TULP4: variants seen among roughly 807,000 people sequenced by gnomAD.
TULP4 encodes the protein tubby-related protein 4.
TULP4 carries 16 observed loss-of-function variants against 129.0 expected under a neutral mutation model. The observed-to-expected ratio is 0.12, with a 90% CI of 0.08 to 0.19. The LOEUF (loss-of-function observed/expected upper bound fraction) is 0.19, where lower values mean the gene tolerates loss of function less well. TULP4 is among the 10% of genes least tolerant of loss of function. The pLI, the probability that TULP4 is intolerant of heterozygous loss-of-function variation, is 1.00. For synonymous variants in TULP4, 998 were observed against 854.0 expected, an observed-to-expected ratio of 1.17 and a Z score of -2.94; for missense variants, 1,842 against 2,059.1, an observed-to-expected ratio of 0.89 and a Z score of 2.04.
chr6:158,466,178 C>T (rs1338329920), intron 6 of TULP4, among the ~76,000 whole-genome samples: 3 of 152,156 alleles, frequency 2.0e-5, no homozygotes, highest in African/African-American at 4.8e-5. Flanking sequence ...GAGGTTGTGT[C>T]CAGCCTCCCT....
At chr6:158,470,920 C>T (rs1385587649) in intron 6 of TULP4, among the ~76,000 whole-genome samples, 2 of 152,038 alleles carry the variant, frequency 1.3e-5, no homozygotes, top group Non-Finnish European at 2.9e-5. Flanking sequence ...ACTGTTTTGA[C>T]TGGGTTTGAG....
At chr6:158,297,824 CAG>C (rs779715894) in intron 1 of TULP4, among the ~76,000 whole-genome samples, 2 of 152,100 alleles carry the variant, frequency 1.3e-5, no homozygotes, top group African/African-American at 4.8e-5. Flanking sequence ...CAACAGAAAA[CAG>C]GGTTTGAGAG....
intron 1 of TULP4, among the ~76,000 whole-genome samples, chr6:158,384,286 T>C (rs146687010): frequency 9.3e-6 from 1 of 107,162 alleles, no homozygotes; most frequent in Non-Finnish European, 2.0e-5. Flanking sequence ...CATGCCTGTT[T>C]AGCTTTTTTT....
intron 1 of TULP4, among the ~76,000 whole-genome samples, chr6:158,354,708 C>A (rs542489962): frequency 3.9e-5 from 6 of 151,954 alleles, no homozygotes; most frequent in Non-Finnish European, 8.8e-5. Context: ...GTCTGGGCAA[C>A]GTAGCAAGAC....
intron 1 of TULP4, among the ~76,000 whole-genome samples, chr6:158,403,442 C>T (rs931720536): frequency 3.9e-5 from 6 of 152,154 alleles, no homozygotes; most frequent in East Asian, 1.9e-4. Flanking sequence ...CGGGTTCAAG[C>T]GATTCTCCTG....
intron 3 of TULP4, among the ~76,000 whole-genome samples, chr6:158,430,620 C>T (rs552286955): frequency 1.3e-5 from 2 of 151,762 alleles, no homozygotes; most frequent in East Asian, 3.9e-4. Context: ...TGATGGCGGG[C>T]GCCTGTAATG....
chr6:158,503,265 C>T lies in TULP4; in HGVS notation c.3602C>T (p.Pro1201Leu). ...GGAAGCTATAACAACCCCCCTTTGC[C>T]TGGAGTGCAGGCTCCCTGCTCTCCC... The part of the protein sequence containing the change: ...YPGSYNNPPL[P>L]GVQAPCSPKD... The change falls in exon 13 of 14, where the codon CCT becomes CTT. Residue 1201 changes from proline (P) to leucine (L), a missense_variant. Transcript: ENST00000367097. The surrounding 1 kb of genome is among the most constrained non-coding windows in gnomAD (Gnocchi z 4.3). 1 of 1,614,048 alleles carries T rather than the reference C, an allele frequency of 6.2e-7. No individual in the cohort carries two copies. The highest frequency in any genetic ancestry group is 2.2e-5 in the East Asian group (1 of 44,852).
rs1778148648 is a variant in TULP4 at position 158,413,831 on chromosome 6, T to A, written c.381+638T>A. On this transcript the variant is annotated intron_variant, in intron 2 of 13. Coordinates refer to ENST00000367097, the MANE Select transcript of TULP4 (RefSeq NM_020245.5). This position sits in a 1 kb window ranked among gnomAD's most constrained non-coding sequence, Gnocchi z 4.9. ...TTTTGTATGGGTTTAAGGACACACA[T>A]TGGAGCAGGCAGCTCCCATCCTGGG... 6.6e-6 allele frequency among the ~76,000 whole-genome samples: 1 copy of A among 152,244 alleles called. No homozygotes were observed. Among genetic ancestry groups the A allele is most frequent in the Non-Finnish European group, 1.5e-5 (1 of 68,046 alleles).
chr6:158,310,835 T>C (rs1396456227), upstream of TULP4, among the ~76,000 whole-genome samples: 5 of 152,220 alleles, frequency 3.3e-5, no homozygotes, highest in African/African-American at 1.2e-4. Flanking sequence ...TCCACAGAAG[T>C]ACTTTATGTG....
At chr6:158,273,958 C>T (rs879748871) in intron 1 of TULP4, among the ~76,000 whole-genome samples, 1 of 152,170 alleles carries the variant, frequency 6.6e-6, no homozygotes, top group Non-Finnish European at 1.5e-5. Context: ...CCACGTCCCT[C>T]GGTTAAAACC....
upstream of TULP4, among the ~76,000 whole-genome samples, chr6:158,277,501 G>C (rs1778668890): frequency 6.6e-6 from 1 of 152,184 alleles, no homozygotes; most frequent in South Asian, 2.1e-4. Flanking sequence ...TTTGTAAGAA[G>C]ACTTTAACAA....
At chr6:158,260,733 G>T (rs1274178311) in intron 1 of TULP4, among the ~76,000 whole-genome samples, 13 of 152,058 alleles carry the variant, frequency 8.5e-5, no homozygotes, top group Admixed American at 7.2e-4. Flanking sequence ...AGGATGAGGG[G>T]CTGGGGAATG....
intron 3 of TULP4, among the ~76,000 whole-genome samples, chr6:158,445,164 T>C (rs962780583): frequency 2.0e-5 from 3 of 152,160 alleles, no homozygotes; most frequent in Non-Finnish European, 4.4e-5. Context: ...GGCTGCAAAG[T>C]AAACCAAACC....
At chr6:158,259,996 C>T (rs539435249) in intron 1 of TULP4, among the ~76,000 whole-genome samples, 3 of 152,292 alleles carry the variant, frequency 2.0e-5, no homozygotes, top group East Asian at 1.9e-4. Flanking sequence ...AGGTGTTTAT[C>T]GTATCAGGGT....
intron 5 of TULP4, 149 bp from the exon 6 acceptor site, chr6:158,461,411 CAAA>C (rs1172710735): frequency 1.1e-3 from 632 of 550,216 alleles, no homozygotes; most frequent in South Asian, 2.0e-3. Flanking sequence ...AACTCCGTCT[CAAA>C]AAAAAAAAAA....
intron 1 of TULP4, among the ~76,000 whole-genome samples, chr6:158,270,074 G>A (rs1778519356): frequency 6.6e-6 from 1 of 152,158 alleles, no homozygotes. Flanking sequence ...TTAAATATAC[G>A]TTAATTCTAC....
Position 158,508,468 on chromosome 6 carries a change from G to A in TULP4, c.*1774G>A, listed in dbSNP as rs558686924. On this transcript the variant is annotated 3_prime_UTR_variant, in exon 14 of 14. Transcript: ENST00000367097. Reference sequence around the variant, plus strand: ...CAAACCCCAGAGAAATACTGACGAAGTTTTCTGATGTGGCAAAGGATATTT... The same window carrying A: ...CAAACCCCAGAGAAATACTGACGAAATTTTCTGATGTGGCAAAGGATATTT... 7 of 152,458 alleles carry A rather than the reference G, an allele frequency of 4.6e-5. No individual in the cohort carries two copies. The East Asian group carries it at 1.3e-3, about 29-fold the overall frequency. 9.4% of individuals were successfully genotyped at this position (152,458 alleles called of 1,614,324 possible).
intron 1 of TULP4, among the ~76,000 whole-genome samples, chr6:158,375,475 C>T (rs987332659): frequency 6.6e-6 from 1 of 152,086 alleles, no homozygotes; most frequent in African/African-American, 2.4e-5. Flanking sequence ...TGTAACCAGA[C>T]AGGTGAGGAG....
intron 1 of TULP4, among the ~76,000 whole-genome samples, chr6:158,245,159 A>T (rs1274917476): frequency 2.9e-5 from 4 of 136,366 alleles, no homozygotes; most frequent in African/African-American, 1.1e-4. Flanking sequence ...GGTCAATTAA[A>T]TTTTTTTTTT....
Sources: gnomAD v4.1 joint callset for allele counts (sites outside exome capture counted in the v4.1 genomes callset) on GRCh38, gnomAD v4.1.1 for gene constraint, Gnocchi (gnomAD v3.1) non-coding constraint, MANE v1.5 for transcripts, NCBI Gene and HGNC (gene_info 2026-07-23, HGNC 2026-07-21) for gene names.